The following AKAP11 variants were observed in gnomAD, a reference collection of about 807,000 sequenced individuals.
The protein encoded by AKAP11 is A-kinase anchor protein 11.
A neutral mutation model predicts 146.1 loss-of-function variants in AKAP11; 36 were observed. The ratio of observed to expected loss-of-function variants is 0.25; its 90% CI spans 0.19 to 0.33. The LOEUF is 0.33. Among genes scored for constraint, AKAP11 ranks in the 10% least tolerant of loss-of-function variants. The pLI, the probability that AKAP11 is intolerant of heterozygous loss-of-function variation, is 1.00. For synonymous variants in AKAP11, 780 were observed against 786.5 expected, an observed-to-expected ratio of 0.99 and a Z score of 0.14; for missense variants, 2,201 against 2,197.0, an observed-to-expected ratio of 1.00 and a Z score of -0.04.
intron 6 of AKAP11, 133 bp from the exon 7 acceptor site, chr13:42,298,400 C>T: frequency 1.1e-6 from 1 of 922,280 alleles, no homozygotes; most frequent in Non-Finnish European, 1.6e-6. Flanking sequence ...CATTACAAAA[C>T]CAAGGAGCTT....
Position 42,308,479 on chromosome 13 carries a change from T to C in AKAP11, c.5143T>C (p.Ser1715Pro), listed in dbSNP as rs752012892. ...TTCAAAAGAAATAGAAGACTTTCAG[T>C]CAACCGAGTCTGTCAGTAGCCAGCA... is the stretch of plus-strand genomic sequence containing the variant. The part of the protein sequence containing the change: ...SSSKEIEDFQ[S>P]TESVSSQQMN... Residue 1715 changes from serine to proline, a missense_variant, in exon 9 of 13, where the codon TCA becomes CCA. Transcript: ENST00000025301. 6.3e-7 allele frequency: 1 copy of C among 1,598,832 alleles called. No individual in the cohort carries two copies. The highest frequency in any genetic ancestry group is 1.7e-5 in the Admixed American group (1 of 58,444).
Position 42,308,559 on chromosome 13 carries a change from T to C in AKAP11, c.5223T>C (p.Phe1741=). 3.1e-6 allele frequency: 5 copies of C among 1,613,492 alleles called. No individual in the cohort carries two copies. In the South Asian group the frequency reaches 4.4e-5, roughly 14 times the overall value. ...DSTGSWSNLS[F]EDEHQDESSS... ...CTGGTAGCTGGTCCAATTTAAGTTT[T>C]GAAGATGAACACCAAGATGAAAGCA... Residue 1741 remains phenylalanine, a synonymous_variant, in exon 9 of 13, where the codon TTT becomes TTC. Transcript: ENST00000025301.
In AKAP11 at chr13:42,322,334, A is replaced by C. The variant is rs1012091518; in HGVS notation, c.*3106A>C. Reference sequence around the variant, plus strand: ...GTATAAAGTGAAAGATAGTTTACTTATCTGACTTTGATATTAGATGGCTGA... The same window carrying C: ...GTATAAAGTGAAAGATAGTTTACTTCTCTGACTTTGATATTAGATGGCTGA... On this transcript the variant is annotated 3_prime_UTR_variant, in exon 13 of 13. Coordinates refer to ENST00000025301, the MANE Select transcript of AKAP11 (RefSeq NM_016248.4). 16 of 152,426 alleles carry C rather than the reference A, an allele frequency of 1.0e-4. No homozygotes were observed. The highest frequency in any genetic ancestry group is 7.8e-4 in the Admixed American group (12 of 15,294). 9.4% of individuals were successfully genotyped at this position (152,426 alleles called of 1,614,324 possible).
At chr13:42,289,927 C>T (rs1053346054) in intron 3 of AKAP11, among the ~76,000 whole-genome samples, 2 of 152,162 alleles carry the variant, frequency 1.3e-5, no homozygotes, top group Non-Finnish European at 2.9e-5. Context: ...ATAGTCTTCA[C>T]TCAGATTCAC....
At chr13:42,310,240 T>C (rs1487012902) in intron 9 of AKAP11, among the ~76,000 whole-genome samples, 2 of 152,136 alleles carry the variant, frequency 1.3e-5, no homozygotes, top group Non-Finnish European at 2.9e-5. Context: ...TTGACCAAAG[T>C]TGTAATGTGA....
chr13:42,316,137 G>A (rs1570448), intron 11 of AKAP11, among the ~76,000 whole-genome samples: 102,605 of 152,054 alleles, frequency 0.67, 34,810 homozygotes, highest in East Asian at 0.79. Context: ...GGGGAGGGAA[G>A]AGACAATACA....
chr13:42,318,927 A>G (rs905595386), intron 12 of AKAP11, among the ~76,000 whole-genome samples, 161 bp from the exon 13 acceptor site: 10 of 152,166 alleles, frequency 6.6e-5, no homozygotes, highest in Non-Finnish European at 1.3e-4. Context: ...AATTTGGGTA[A>G]AGGGGTAGCG....
chr13:42,316,060 A>T (rs1960805676), intron 11 of AKAP11, among the ~76,000 whole-genome samples: 1 of 152,160 alleles, frequency 6.6e-6, no homozygotes, highest in Admixed American at 6.5e-5. Flanking sequence ...GATTGCAGAA[A>T]GGCCCAGAGA....
In AKAP11 at chr13:42,313,092, T is replaced by A; in HGVS notation, c.5319T>A (p.Asp1773Glu). 6.2e-7 allele frequency: 1 copy of A among 1,613,528 alleles called. No individual in the cohort carries two copies. The highest frequency in any genetic ancestry group is 8.5e-7 in the Non-Finnish European group (1 of 1,179,824). ...SSWSSLGLEG[D>E]LYEDNLSFPT... ...GGAGCAGTCTTGGTTTAGAAGGAGATTTGTATGAGGACAATTTATCCTTTC... is the reference window on the plus strand; with the variant it reads ...GGAGCAGTCTTGGTTTAGAAGGAGAATTGTATGAGGACAATTTATCCTTTC... Residue 1773 changes from aspartate (D) to glutamate (E), a missense_variant, in exon 10 of 13, where the codon GAT becomes GAA. Around this residue, in one of 3 missense-constraint regions of AKAP11, gnomAD observed 1,867 missense variants for 1,833.5 expected, o/e 1.02. Coordinates refer to ENST00000025301, the MANE Select transcript of AKAP11 (RefSeq NM_016248.4).
Position 42,303,723 on chromosome 13 carries a change from T to C in AKAP11, c.4977T>C (p.Ile1659=), listed in dbSNP as rs751315176. 1.9e-6 allele frequency: 3 copies of C among 1,614,128 alleles called. No homozygotes were observed. Among genetic ancestry groups the C allele is most frequent in the Middle Eastern group, 3.3e-4 (2 of 6,062 alleles). ...CTGAGAAGATAGTTGCTGAAGCCAT[T>C]GAAAAAGCTGAGCGAGAGCTGAGCA... ...VLAEKIVAEA[I]EKAERELSST... Residue 1659 remains isoleucine, a synonymous_variant, in exon 8 of 13, where the codon ATT becomes ATC. Transcript: ENST00000025301.
intron 2 of AKAP11, 64 bp from the exon 3 acceptor site, chr13:42,286,236 G>A: frequency 1.7e-6 from 1 of 589,266 alleles, no homozygotes; most frequent in Non-Finnish European, 2.8e-6. Flanking sequence ...AATTAATTTA[G>A]CACAAAATGC....
chr13:42,314,575 A>G (rs1012033051), intron 11 of AKAP11, among the ~76,000 whole-genome samples: 2 of 152,128 alleles, frequency 1.3e-5, no homozygotes, highest in Non-Finnish European at 2.9e-5. Flanking sequence ...CTCATGTTAT[A>G]AGATAATTTA....
At position 42,273,724 on chromosome 13, in the gene AKAP11, A is replaced by T. The variant is rs78230825; in HGVS notation, c.-100+1496A>T. Among the ~76,000 whole-genome samples the T allele has an allele frequency of 5.6e-3, 856 of 152,310 alleles. 10 individuals carry two copies. Among genetic ancestry groups the T allele is most frequent in the African/African-American group, 0.019 (787 of 41,554 alleles). ...AGCCTTCTCTAGCCCCCTGAACTCC[A>T]GGGATAAGTCTAGAAGCTGAAGAAG... On this transcript the variant is annotated intron_variant, in intron 1 of 12. Transcript: ENST00000025301.
chr13:42,273,596 A>T (rs2138377873), intron 1 of AKAP11, among the ~76,000 whole-genome samples: 1 of 152,208 alleles, frequency 6.6e-6, no homozygotes, highest in East Asian at 1.9e-4. Flanking sequence ...TATCGACAAT[A>T]TTGATAAGGG....
rs1329732040 is a variant in AKAP11, at chr13:42,308,643, A to G, written c.5273+34A>G. 3 of 1,547,200 alleles carry G rather than the reference A, an allele frequency of 1.9e-6. No homozygotes were observed. The African/African-American group carries it at 4.1e-5, about 21-fold the overall frequency. ...ACTTTTGCATATAATTGTGTAGTTT[A>G]GGTCCTCAGATCTTAGAAGTGAGCT... On this transcript the variant is annotated intron_variant, in intron 9 of 12. Coordinates refer to ENST00000025301, the MANE Select transcript of AKAP11 (RefSeq NM_016248.4).
At chr13:42,283,662 A>G in intron 1 of AKAP11, among the ~76,000 whole-genome samples, 1 of 152,052 alleles carries the variant, frequency 6.6e-6, no homozygotes, top group East Asian at 1.9e-4. Flanking sequence ...GCTCATTTAG[A>G]TAGTTGGTCC....
intron 6 of AKAP11, among the ~76,000 whole-genome samples, chr13:42,298,026 C>CT (rs1959618627): frequency 6.6e-6 from 1 of 151,806 alleles, no homozygotes; most frequent in African/African-American, 2.4e-5. Flanking sequence ...ATTTTTAAAG[C>CT]TATAAACATT....
At chr13:42,275,509 T>C (rs1020084149) in intron 1 of AKAP11, among the ~76,000 whole-genome samples, 1 of 152,216 alleles carries the variant, frequency 6.6e-6, no homozygotes, top group Non-Finnish European at 1.5e-5. Context: ...AAACTGGCCA[T>C]GCCAACATAT....
At chr13:42,278,360 G>C (rs956060070) in intron 1 of AKAP11, among the ~76,000 whole-genome samples, 3 of 152,108 alleles carry the variant, frequency 2.0e-5, no homozygotes, top group Non-Finnish European at 4.4e-5. Flanking sequence ...TCAAATAACA[G>C]GTCTGTACCC....
Sources: gnomAD v4.1 joint callset for allele counts (sites outside exome capture counted in the v4.1 genomes callset) on GRCh38, gnomAD v4.1.1 for gene constraint, gnomAD v4.1.1 regional missense constraint, MANE v1.5 for transcripts, NCBI Gene and HGNC (gene_info 2026-07-23, HGNC 2026-07-21) for gene names.